The following PCDHGA2 variants were observed in gnomAD, a reference collection of about 807,000 sequenced individuals.
The protein encoded by PCDHGA2 is protocadherin gamma subfamily A, 2.
In PCDHGA2, 40 loss-of-function variants were observed where a neutral mutation model predicts 59.2. That is an observed-to-expected ratio of 0.68 (90% confidence interval 0.52 to 0.88). PCDHGA2 has a LOEUF of 0.88. Among genes scored for constraint, PCDHGA2 ranks in the 40% least tolerant of loss-of-function variants. The pLI is 0.00. For missense variants in PCDHGA2, 1,226 were observed against 1,204.0 expected, an observed-to-expected ratio of 1.02 and a Z score of -0.27; for synonymous variants, 560 against 526.0, an observed-to-expected ratio of 1.06 and a Z score of -0.89.
intron 1 of PCDHGA2, among the ~76,000 whole-genome samples, chr5:141,434,888 C>T (rs1287540129): frequency 6.6e-6 from 1 of 150,944 alleles, no homozygotes; most frequent in Non-Finnish European, 1.5e-5. Flanking sequence ...AACAACAATC[C>T]AGTCCCCTTC....
At chr5:141,498,964 G>A (rs1342764380) in intron 2 of PCDHGA2, among the ~76,000 whole-genome samples, 2 of 127,572 alleles carry the variant, frequency 1.6e-5, no homozygotes, top group Admixed American at 8.7e-5. Context: ...AGAGAGGGAG[G>A]GAGGGAGGGA....
At chr5:141,360,766 G>A in intron 1 of PCDHGA2, 2 of 1,613,872 alleles carry the variant, frequency 1.2e-6, no homozygotes, top group Non-Finnish European at 1.7e-6. Flanking sequence ...ACATCAATTG[G>A]TCCTCACAGC....
At chr5:141,422,997 C>A in intron 1 of PCDHGA2, 3 of 1,614,218 alleles carry the variant, frequency 1.9e-6, no homozygotes, top group Non-Finnish European at 2.5e-6. Flanking sequence ...ACCTGGTGAC[C>A]AAGGTGGTTG....
chr5:141,372,863 G>T, intron 1 of PCDHGA2: 2 of 1,395,300 alleles, frequency 1.4e-6, no homozygotes, highest in Non-Finnish European at 1.9e-6. Context: ...TCAATTCATT[G>T]ATTTAGAGAT....
At position 141,365,464 on chromosome 5, in the gene PCDHGA2, A is replaced by C. The variant is rs1763932491; in HGVS notation, c.2424+24069A>C. Reference sequence around the variant, plus strand: ...GCGTACATGATGGTGATTCTGGAGAAAATGGTGAGATTGCATGCTCTATTC... The same window carrying C: ...GCGTACATGATGGTGATTCTGGAGACAATGGTGAGATTGCATGCTCTATTC... On this transcript the variant is annotated intron_variant, in intron 1 of 3. Coordinates refer to ENST00000394576, the MANE Select transcript of PCDHGA2 (RefSeq NM_018915.4). The C allele has an allele frequency of 1.9e-6, 3 of 1,614,072 alleles. No individual in the cohort carries two copies. In the East Asian group the frequency reaches 6.7e-5, roughly 36 times the overall value.
intron 1 of PCDHGA2, among the ~76,000 whole-genome samples, chr5:141,453,261 A>G (rs1387512741): frequency 6.6e-6 from 1 of 152,028 alleles, no homozygotes; most frequent in Non-Finnish European, 1.5e-5. Context: ...CTGCAAGTGC[A>G]CACCACCATG....
At chr5:141,405,002 C>G in intron 1 of PCDHGA2, 2 of 1,613,988 alleles carry the variant, frequency 1.2e-6, no homozygotes, top group Non-Finnish European at 1.7e-6. Context: ...CCCTGCAGAC[C>G]TGGAGGCCTC....
chr5:141,470,708 A>T (rs1293545270), intron 1 of PCDHGA2, among the ~76,000 whole-genome samples: 1 of 151,804 alleles, frequency 6.6e-6, no homozygotes. Flanking sequence ...TTTTTATTTT[A>T]TTTTTTTGAG....
At chr5:141,360,065 CT>C in intron 1 of PCDHGA2, 1 of 1,464,436 alleles carries the variant, frequency 6.8e-7, no homozygotes, top group Non-Finnish European at 9.0e-7. Flanking sequence ...GAAAAGTGAC[CT>C]TAGCCCGGAT....
chr5:141,405,089 G>T, intron 1 of PCDHGA2: 2 of 1,613,878 alleles, frequency 1.2e-6, no homozygotes, highest in South Asian at 2.2e-5. Context: ...CACGCTGCTG[G>T]CCCTCAGGCT....
chr5:141,469,510 G>T (rs1022804863), intron 1 of PCDHGA2, among the ~76,000 whole-genome samples: 3 of 152,118 alleles, frequency 2.0e-5, no homozygotes, highest in African/African-American at 7.2e-5. Context: ...GGGAGGTGGA[G>T]GTTGCAGTGA....
At chr5:141,510,238 A>C (rs2099880007) in intron 3 of PCDHGA2, among the ~76,000 whole-genome samples, 1 of 149,340 alleles carries the variant, frequency 6.7e-6, no homozygotes, top group Non-Finnish European at 1.5e-5. Flanking sequence ...GCGCCACTGC[A>C]CTCCAGGCTG....
chr5:141,418,666 G>C, intron 1 of PCDHGA2: 1 of 1,614,038 alleles, frequency 6.2e-7, no homozygotes, highest in Non-Finnish European at 8.5e-7. Context: ...CCACTGACCA[G>C]GACGAGGGCA....
chr5:141,472,218 G>A (rs1206861601), intron 1 of PCDHGA2, among the ~76,000 whole-genome samples: 3 of 152,054 alleles, frequency 2.0e-5, no homozygotes, highest in Admixed American at 2.0e-4. Flanking sequence ...CCTTACTCTC[G>A]ATCATATAAT....
At chr5:141,444,188 T>TTTTTTTTTTG (rs2098424052) in intron 1 of PCDHGA2, among the ~76,000 whole-genome samples, 1 of 129,374 alleles carries the variant, frequency 7.7e-6, no homozygotes, top group African/African-American at 3.1e-5. Flanking sequence ...TTTTTTTTTT[T>TTTTTTTTTTG]GAGATGGAGT....
chr5:141,359,109 G>A (rs777269083), intron 1 of PCDHGA2, among the ~76,000 whole-genome samples: 9 of 152,200 alleles, frequency 5.9e-5, no homozygotes, highest in Admixed American at 1.3e-4. Context: ...TGTATTCATA[G>A]AAAGTTGTGG....
At chr5:141,360,382 GACTT>G (rs771983102) in intron 1 of PCDHGA2, 1 of 1,613,906 alleles carries the variant, frequency 6.2e-7, no homozygotes, top group Non-Finnish European at 8.5e-7. Context: ...AGAAAGCGGA[GACTT>G]ACTTGTGAGT....
chr5:141,442,779 A>G (rs1453800627), intron 1 of PCDHGA2, among the ~76,000 whole-genome samples: 1 of 152,160 alleles, frequency 6.6e-6, no homozygotes, highest in Non-Finnish European at 1.5e-5. Context: ...GTTTGATTAT[A>G]TTTTATAATT....
At position 141,432,299 on chromosome 5, in the gene PCDHGA2, C is replaced by G; in HGVS notation, c.2425-62508C>G. ...GTCCATCAACTCCGACACTGGGGTA[C>G]TGTATGCGCTGAGCTCCTTCGACTA... is the stretch of plus-strand genomic sequence containing the variant. On this transcript the variant is annotated intron_variant, in intron 1 of 3. Transcript: ENST00000394576. This position sits in a 1 kb window ranked among gnomAD's most constrained non-coding sequence, Gnocchi z 6.0. The G allele has an allele frequency of 2.5e-6, 4 of 1,614,278 alleles. No homozygotes were observed. The highest frequency in any genetic ancestry group is 3.4e-6 in the Non-Finnish European group (4 of 1,180,056).
Sources: gnomAD v4.1 joint callset for allele counts (sites outside exome capture counted in the v4.1 genomes callset) on GRCh38, gnomAD v4.1.1 for gene constraint, Gnocchi (gnomAD v3.1) non-coding constraint, MANE v1.5 for transcripts, NCBI Gene and HGNC (gene_info 2026-07-23, HGNC 2026-07-21) for gene names.